Variants in ZNF506 observed in about 807,000 individuals in gnomAD.
The protein encoded by ZNF506 is zinc finger protein 506.
A neutral mutation model predicts 11.6 loss-of-function variants in ZNF506; 10 were observed. The ratio of observed to expected loss-of-function variants is 0.86; its 90% confidence interval spans 0.53 to 1.46. ZNF506 has a LOEUF of 1.46. Among genes scored for constraint, ZNF506 ranks in the 40% most tolerant of loss-of-function variants. The pLI, the probability that ZNF506 is intolerant of heterozygous loss-of-function variation, is 0.00. For missense variants in ZNF506, 425 were observed against 521.2 expected (o/e 0.82, Z 1.80); for synonymous variants, 156 against 173.3 (o/e 0.90, Z 0.78).
intron 1 of ZNF506, among the ~76,000 whole-genome samples, chr19:19,808,108 C>CTTTTTTT (rs757160026): frequency 0.024 from 1,338 of 56,772 alleles, 390 homozygotes; most frequent in African/African-American, 0.045. Flanking sequence ...TCATTAACCA[C>CTTTTTTT]TTTTTTTTTT....
Position 19,793,277 on chromosome 19 carries a change from CTAGTG to C in ZNF506, c.*1270_*1274del, listed in dbSNP as rs1253789735. 3.9e-5 allele frequency among the ~76,000 whole-genome samples: 6 copies of C among 151,962 alleles called. No individual in the cohort carries two copies. The highest frequency in any genetic ancestry group is 1.5e-4 in the African/African-American group (6 of 41,350). On this transcript the variant is annotated 3_prime_UTR_variant, in exon 4 of 4. Coordinates refer to ENST00000540806, the MANE Select transcript of ZNF506 (RefSeq NM_001099269.3). ...ATGTCTGAAGTGTCAGTGCCTTATT[CTAGTG>C]TAAATTCTCATATTTACGTAAAATC...
At chr19:19,815,879 T>C (rs1027429791) in intron 1 of ZNF506, among the ~76,000 whole-genome samples, 8 of 152,144 alleles carry the variant, frequency 5.3e-5, no homozygotes, top group African/African-American at 1.7e-4. Flanking sequence ...ACTGGTTTAA[T>C]ATATAAGATG....
intron 1 of ZNF506, among the ~76,000 whole-genome samples, chr19:19,818,839 C>T (rs2062951044): frequency 6.6e-6 from 1 of 152,030 alleles, no homozygotes; most frequent in South Asian, 2.1e-4. Flanking sequence ...AACACAAAAA[C>T]TAGCCGGGCG....
chr19:19,818,503 G>A (rs186171184), intron 1 of ZNF506, among the ~76,000 whole-genome samples: 13 of 152,230 alleles, frequency 8.5e-5, no homozygotes, highest in Non-Finnish European at 1.5e-4. Context: ...TAAAGCTAAG[G>A]CTTAGAATTC....
chr19:19,819,130 AGT>A (rs2062952708), intron 1 of ZNF506, among the ~76,000 whole-genome samples: 1 of 152,152 alleles, frequency 6.6e-6, no homozygotes, highest in African/African-American at 2.4e-5. Context: ...GCCATGCCCC[AGT>A]GAGTGCCCCA....
chr19:19,809,780 C>G (rs2062870228), intron 1 of ZNF506, among the ~76,000 whole-genome samples: 1 of 152,120 alleles, frequency 6.6e-6, no homozygotes, highest in African/African-American at 2.4e-5. Flanking sequence ...CTGTCCCTAC[C>G]AAGTCAAAAC....
intron 1 of ZNF506, among the ~76,000 whole-genome samples, chr19:19,817,323 G>C (rs146744594): frequency 6.6e-6 from 1 of 152,084 alleles, no homozygotes; most frequent in East Asian, 1.9e-4. Flanking sequence ...CACCTCCCTA[G>C]GAAAGAAAGT....
chr19:19,804,363 C>A (rs1384751257), intron 3 of ZNF506, among the ~76,000 whole-genome samples: 1 of 152,136 alleles, frequency 6.6e-6, no homozygotes, highest in Non-Finnish European at 1.5e-5. Context: ...CAGAGAAATG[C>A]AAATCAAAAC....
intron 1 of ZNF506, among the ~76,000 whole-genome samples, chr19:19,808,272 C>T (rs2062852566): frequency 1.3e-5 from 2 of 151,034 alleles, no homozygotes; most frequent in Admixed American, 6.6e-5. Context: ...TACAGGCACC[C>T]GCCACCAGGC....
intron 1 of ZNF506, among the ~76,000 whole-genome samples, chr19:19,814,164 T>C (rs976115780): frequency 3.9e-5 from 6 of 151,950 alleles, no homozygotes. Flanking sequence ...ATCCCAGCAC[T>C]GTGGGAGGCC....
intron 1 of ZNF506, among the ~76,000 whole-genome samples, chr19:19,820,092 T>A (rs1355923892): frequency 6.9e-6 from 1 of 145,850 alleles, no homozygotes; most frequent in Non-Finnish European, 1.5e-5. Context: ...TGAGACTCCA[T>A]CTCAAAAAAA....
At chr19:19,818,448 G>A (rs996749752) in intron 1 of ZNF506, among the ~76,000 whole-genome samples, 3 of 152,268 alleles carry the variant, frequency 2.0e-5, no homozygotes, top group African/African-American at 7.2e-5. Flanking sequence ...CAGACAAAAT[G>A]GAAGAGAGAT....
chr19:19,814,910 G>T (rs1036263335), intron 1 of ZNF506, among the ~76,000 whole-genome samples: 1 of 152,152 alleles, frequency 6.6e-6, no homozygotes, highest in Non-Finnish European at 1.5e-5. Context: ...GTGGGAATAT[G>T]CTAGGAGACT....
At chr19:19,806,476 C>G in intron 2 of ZNF506, 1 of 186,282 alleles carries the variant, frequency 5.4e-6, no homozygotes, top group South Asian at 1.0e-4. Context: ...AGGCTGGTCT[C>G]GAACTCCTGA....
chr19:19,797,561 A>T (rs1314257226), intron 3 of ZNF506: 3 of 152,120 alleles, frequency 2.0e-5, no homozygotes, highest in African/African-American at 7.2e-5. Context: ...ATAGAAAACA[A>T]AAATTGTGGG....
At chr19:19,796,811 C>G (rs1299130722) in intron 3 of ZNF506, 1 of 152,122 alleles carries the variant, frequency 6.6e-6, no homozygotes, top group Non-Finnish European at 1.5e-5. Context: ...AGCAAAGAAA[C>G]TGCAGTATCC....
At chr19:19,796,435 G>T (rs909357266) in intron 3 of ZNF506, 5 of 150,728 alleles carry the variant, frequency 3.3e-5, no homozygotes, top group African/African-American at 1.2e-4. Flanking sequence ...GTAGAGTCTC[G>T]CTCTGTCTCC....
chr19:19,800,968 CTG>C (rs923501580), intron 3 of ZNF506, among the ~76,000 whole-genome samples: 15 of 151,724 alleles, frequency 9.9e-5, no homozygotes, highest in African/African-American at 3.6e-4. Flanking sequence ...TGAGACCAGC[CTG>C]ACCAACATGG....
chr19:19,800,391 A>AATATATATATATATATATTTATATATAT (rs1555771287), intron 3 of ZNF506, among the ~76,000 whole-genome samples: 3 of 139,238 alleles, frequency 2.2e-5, no homozygotes, highest in East Asian at 4.7e-4. Context: ...AACTAAACAG[A>AATATATATATATATATATTTATATATAT]ATATATATAT....
Sources: allele counts gnomAD v4.1 joint callset (sites outside exome capture counted in the v4.1 genomes callset), GRCh38; gene constraint gnomAD v4.1.1; transcripts MANE v1.5; gene names NCBI Gene and HGNC (gene_info 2026-07-23, HGNC 2026-07-21).